Variants in MUC5AC observed in about 807,000 individuals in gnomAD.
MUC5AC encodes mucin-5AC.
In MUC5AC, 158 loss-of-function variants were observed where a neutral mutation model predicts 169.7. That is an observed-to-expected ratio of 0.93 (90% CI 0.82 to 1.06). The LOEUF is 1.06. MUC5AC is among the 50% of genes least tolerant of loss of function. The pLI, the probability that MUC5AC is intolerant of heterozygous loss-of-function variation, is 0.00. For missense variants in MUC5AC, 4,359 were observed against 3,089.9 expected (o/e 1.41, Z -9.74); for synonymous variants, 1,975 against 1,237.0 (o/e 1.60, Z -12.52).
chr11:1,167,813 G>T, intron 11 of MUC5AC, 64 bp from the exon 12 acceptor site: 2 of 1,379,720 alleles, frequency 1.4e-6, no homozygotes, highest in Non-Finnish European at 2.0e-6. Flanking sequence ...GGGTGGACTG[G>T]CAGGGCCAGG....
chr11:1,184,166 G>T lies in MUC5AC; in HGVS notation c.6021G>T (p.Leu2007=). 1 of 398,952 alleles carries T rather than the reference G, an allele frequency of 2.5e-6. No homozygotes were observed. The highest frequency in any genetic ancestry group is 4.4e-6 in the Non-Finnish European group (1 of 226,734). 24.7% of individuals were successfully genotyped at this position (398,952 alleles called of 1,614,324 possible). A position where few individuals can be genotyped will look rare whatever the true frequency, so the allele number is the denominator to read the frequency against. The change falls in exon 31 of 49, where the codon CTG becomes CTT. Residue 2007 remains leucine (L), a synonymous_variant. Coordinates refer to ENST00000621226, the MANE Select transcript of MUC5AC (RefSeq NM_001304359.2). Reference sequence around the variant, plus strand: ...CAGAGAGCTTCCCCAACACGCCGCTGGCAGACCTGGGGCAGGACGTCATCT... The same window carrying T: ...CAGAGAGCTTCCCCAACACGCCGCTTGCAGACCTGGGGCAGGACGTCATCT... ...CRAESFPNTP[L]ADLGQDVICS... is the part of the protein sequence containing the mutation.
chr11:1,178,020 C>T (rs1030035916), intron 24 of MUC5AC, among the ~76,000 whole-genome samples: 2 of 152,200 alleles, frequency 1.3e-5, no homozygotes, highest in East Asian at 1.9e-4. Flanking sequence ...CCCGTCTTCA[C>T]GCAGCCTCCT....
At position 1,186,852 on chromosome 11, in the gene MUC5AC, G is replaced by A; in HGVS notation, c.8707G>A (p.Ala2903Thr). ...TSAPTTRTTS[A>T]PTTSTTSAPT... is the part of the protein sequence containing the mutation. ...TGCTCCTACAACCAGAACAACCTCT[G>A]CTCCTACAACCAGCACAACCTCTGC... The change falls in exon 31 of 49, where the codon GCT becomes ACT. Residue 2903 changes from alanine to threonine, a missense_variant. By Grantham distance (58) the Ala-to-Thr change is moderately conservative. Coordinates refer to ENST00000621226, the MANE Select transcript of MUC5AC (RefSeq NM_001304359.2). The A allele has an allele frequency of 5.5e-6, 4 of 731,940 alleles. No individual in the cohort carries two copies. The highest frequency in any genetic ancestry group is 7.5e-6 in the Non-Finnish European group (3 of 401,246). 45.3% of individuals were successfully genotyped at this position (731,940 alleles called of 1,614,324 possible).
Position 1,198,897 on chromosome 11 carries a change from C to G in MUC5AC, c.16197C>G (p.Ser5399Arg). 2.6e-6 allele frequency: 2 copies of G among 756,126 alleles called. No homozygotes were observed. Among genetic ancestry groups the G allele is most frequent in the South Asian group, 2.7e-5 (2 of 72,902 alleles). 46.8% of individuals were successfully genotyped at this position (756,126 alleles called of 1,614,324 possible). The change falls in exon 44 of 49, where the codon AGC becomes AGG. Residue 5399 changes from serine to arginine, a missense_variant. Physicochemically the swap from Ser to Arg is moderately radical, Grantham distance 110. Coordinates refer to ENST00000621226, the MANE Select transcript of MUC5AC (RefSeq NM_001304359.2). ...LYQPGAVVSS[S>R]LCETCRCELP... ...AGCCCGGCGCCGTGGTCTCCTCGAG[C>G]CTGTGCGAAACCTGCAGGTGTGAGC...
intron 28 of MUC5AC, 104 bp from the exon 29 acceptor site, chr11:1,181,035 C>A (rs1860805402): frequency 2.5e-6 from 1 of 397,386 alleles, no homozygotes; most frequent in Non-Finnish European, 4.4e-6. Flanking sequence ...GGGAACTCCA[C>A]CCCTGTCGGA....
chr11:1,175,742 C>T (rs1435258069), intron 19 of MUC5AC, among the ~76,000 whole-genome samples: 7 of 119,428 alleles, frequency 5.9e-5, no homozygotes, highest in African/African-American at 1.2e-4. Context: ...GCACACACAC[C>T]GTCATGCACC....
At position 1,174,612 on chromosome 11, in the gene MUC5AC, C is replaced by A; in HGVS notation, c.2082C>A (p.Asp694Glu). 3 of 1,287,308 alleles carry A rather than the reference C, an allele frequency of 2.3e-6. No homozygotes were observed. Among genetic ancestry groups the A allele is most frequent in the Non-Finnish European group, 2.2e-6 (2 of 924,718 alleles). 79.7% of individuals were successfully genotyped at this position (1,287,308 alleles called of 1,614,324 possible). ...GCGTGCAGCTCGGCGGCTGGAGGGACGGCGTCTGCAGTGAGTGCCTGCCAA... is the reference window on the plus strand; with the variant it reads ...GCGTGCAGCTCGGCGGCTGGAGGGAAGGCGTCTGCAGTGAGTGCCTGCCAA... Reference protein sequence around the residue: ...AKGVQLGGWRDGVCTKPMTTC... With the variant: ...AKGVQLGGWREGVCTKPMTTC... The change falls in exon 17 of 49, where the codon GAC (aspartate) becomes GAA (glutamate). Residue 694 changes from aspartate to glutamate, a missense_variant. By Grantham distance (45) the Asp-to-Glu change is conservative. Coordinates refer to ENST00000621226, the MANE Select transcript of MUC5AC (RefSeq NM_001304359.2).
rs1439891928 is a variant in MUC5AC, at chr11:1,191,951, C to G, written c.13806C>G (p.Thr4602=). The change falls in exon 31 of 49, where the codon ACC becomes ACG. Residue 4602 remains threonine, a synonymous_variant. Transcript: ENST00000621226. ...GCCCCGTTCCCACCACCAGCACAAC[C>G]CCTGTTTCAAAGACCAGCACAAGCC... ...TPSPVPTTST[T]PVSKTSTSHL... 2.6e-6 allele frequency: 2 copies of G among 765,166 alleles called. No individual in the cohort carries two copies. Among genetic ancestry groups the G allele is most frequent in the African/African-American group, 3.4e-5 (2 of 59,150 alleles). The allele number at this position is 765,166 out of a possible 1,614,324, so 47.4% of individuals were successfully genotyped here.
intron 43 of MUC5AC, 67 bp downstream of exon 43, chr11:1,198,372 A>G (rs1004137689): frequency 4.8e-5 from 34 of 705,070 alleles, no homozygotes; most frequent in Non-Finnish European, 8.3e-5. Context: ...CCTGAGGCCC[A>G]GGTAGACTTT....
chr11:1,174,778 A>G (rs1860632767), intron 17 of MUC5AC, 104 bp from the exon 18 acceptor site: 6 of 454,304 alleles, frequency 1.3e-5, no homozygotes, highest in Admixed American at 4.1e-5. Flanking sequence ...GACCCGGCCG[A>G]GGAGGGGAGG....
intron 15 of MUC5AC, among the ~76,000 whole-genome samples, chr11:1,170,528 T>C (rs1183556055): frequency 2.4e-4 from 13 of 53,376 alleles, no homozygotes; most frequent in Admixed American, 3.7e-4. Flanking sequence ...CACTCACCCA[T>C]TCACCCATTC....
At chr11:1,171,066 A>T (rs1180356902) in intron 15 of MUC5AC, among the ~76,000 whole-genome samples, 1 of 95,626 alleles carries the variant, frequency 1.0e-5, no homozygotes, top group African/African-American at 4.0e-5. Context: ...TCACCCACTC[A>T]CCGACTCACC....
In MUC5AC at chr11:1,166,050, T is replaced by A. The variant is rs190128312; in HGVS notation, c.1386+290T>A. ...AACAGACTTTACTCTTGAGAATAGT[T>A]TTAGGTTAACAAGGAAATTGAGCAC... On this transcript the variant is annotated intron_variant, in intron 11 of 48. Coordinates refer to ENST00000621226, the MANE Select transcript of MUC5AC (RefSeq NM_001304359.2). Among the ~76,000 whole-genome samples the A allele has an allele frequency of 2.4e-3, 363 of 152,248 alleles. 2 individuals carry two copies. Among genetic ancestry groups the A allele is most frequent in the African/African-American group, 8.6e-3 (356 of 41,524 alleles).
intron 37 of MUC5AC, 53 bp downstream of exon 37, chr11:1,196,107 C>A: frequency 8.3e-6 from 6 of 719,516 alleles, no homozygotes; most frequent in Non-Finnish European, 1.5e-5. Flanking sequence ...GGGGCACAGG[C>A]ACGCCGGACG....
In MUC5AC at chr11:1,180,460, T is replaced by TGG; in HGVS notation, c.3722_3723dup (p.Lys1242GlyfsTer98). The TGG allele has an allele frequency of 2.5e-6, 1 of 398,862 alleles. No individual in the cohort carries two copies. Among genetic ancestry groups the TGG allele is most frequent in the East Asian group, 3.6e-5 (1 of 28,068 alleles). The allele number at this position is 398,862 out of a possible 1,614,324, so 24.7% of individuals were successfully genotyped here. A position where few individuals can be genotyped will look rare whatever the true frequency, so the allele number is the denominator to read the frequency against. On this transcript the variant is annotated frameshift_variant, in exon 28 of 49. Transcript: ENST00000621226. LOFTEE classifies it high-confidence loss of function. Reference sequence around the variant, plus strand: ...CTCTGCCACCACGGTGCCACGTCCATGGGAAGTCCTACCGGCCAGGTGCAG... The same window carrying TGG: ...CTCTGCCACCACGGTGCCACGTCCATGGGGGAAGTCCTACCGGCCAGGTGCAG...
At chr11:1,167,082 C>T (rs1254744835) in intron 11 of MUC5AC, among the ~76,000 whole-genome samples, 2 of 92,052 alleles carry the variant, frequency 2.2e-5, no homozygotes, top group Non-Finnish European at 2.3e-5. Flanking sequence ...ACACAGTCTC[C>T]CCAAGATGAG....
chr11:1,158,525 CG>C (rs1201749944), intron 1 of MUC5AC, among the ~76,000 whole-genome samples: 6 of 152,310 alleles, frequency 3.9e-5, no homozygotes, highest in Non-Finnish European at 7.4e-5. Flanking sequence ...GGATCTCCTG[CG>C]GGGGGAGGTC....
chr11:1,198,047 G>C (rs747777419), intron 42 of MUC5AC, 43 bp downstream of exon 42: 2 of 640,270 alleles, frequency 3.1e-6, no homozygotes, highest in Admixed American at 2.3e-5. Flanking sequence ...CGTGGGCTGG[G>C]GTCTCCACCT....
At position 1,164,279 on chromosome 11, in the gene MUC5AC, A is replaced by AG. The variant is rs1227165697; in HGVS notation, c.969dup (p.Leu324ValfsTer9). 1 of 1,612,556 alleles carries AG rather than the reference A, an allele frequency of 6.2e-7. No individual in the cohort carries two copies. The highest frequency in any genetic ancestry group is 1.7e-5 in the Admixed American group (1 of 60,026). On this transcript the variant is annotated frameshift_variant, in exon 8 of 49. Transcript: ENST00000621226. LOFTEE classifies it high-confidence loss of function. ...AGTACTCCCGGCAGTGCACCCATGC[A>AG]GGGGGGTTGCCCCAGGACTGGCGGG... is the stretch of plus-strand genomic sequence containing the variant.
Sources: gnomAD v4.1 joint callset for allele counts (sites outside exome capture counted in the v4.1 genomes callset) on GRCh38, gnomAD v4.1.1 for gene constraint, MANE v1.5 for transcripts, NCBI Gene and HGNC (gene_info 2026-07-23, HGNC 2026-07-21) for gene names.